AFG2A: variants seen among roughly 807,000 people sequenced by gnomAD.
AFG2A encodes the protein AAA ATPase AFG2A.
the AFG2A span, among the ~76,000 whole-genome samples, chr4:123,308,155 A>G: frequency 6.6e-6 from 1 of 152,246 alleles, no homozygotes; most frequent in Non-Finnish European, 1.5e-5. Flanking sequence ...TCTCTCAAAA[A>G]TAACAAAAGC....
At chr4:123,062,520 A>G in the AFG2A span, among the ~76,000 whole-genome samples, 1 of 152,006 alleles carries the variant, frequency 6.6e-6, no homozygotes, top group African/African-American at 2.4e-5. Context: ...TTACTTAATC[A>G]TACCTATCAA....
At chr4:122,998,056 G>C in the AFG2A span, among the ~76,000 whole-genome samples, 13 of 152,062 alleles carry the variant, frequency 8.5e-5, no homozygotes, top group Non-Finnish European at 1.6e-4. Context: ...TCCTTTATCA[G>C]ATATGTTATT....
chr4:122,934,429 G>A, the AFG2A span: 2 of 1,614,176 alleles, frequency 1.2e-6, no homozygotes, highest in Non-Finnish European at 1.7e-6. Flanking sequence ...AGATGGCAGT[G>A]GACTTATGCT....
At chr4:123,162,763 C>T in the AFG2A span, among the ~76,000 whole-genome samples, 85,314 of 151,938 alleles carry the variant, frequency 0.56, 26,900 homozygotes, top group Non-Finnish European at 0.7. Flanking sequence ...CAGGCATACC[C>T]AAATTTGAAA....
chr4:123,093,390 CG>C, the AFG2A span, among the ~76,000 whole-genome samples: 2 of 152,178 alleles, frequency 1.3e-5, no homozygotes, highest in Non-Finnish European at 2.9e-5. Flanking sequence ...GCCATGGAAA[CG>C]GGTGGTAACT....
the AFG2A span, among the ~76,000 whole-genome samples, chr4:122,985,973 C>A: frequency 6.6e-6 from 1 of 151,666 alleles, no homozygotes; most frequent in South Asian, 2.1e-4. Flanking sequence ...TAGACTGTAT[C>A]ATTATTGTCA....
chr4:123,071,055 T>C, the AFG2A span, among the ~76,000 whole-genome samples: 110 of 152,380 alleles, frequency 7.2e-4, no homozygotes, highest in Non-Finnish European at 1.4e-3. Context: ...ACTGACATAT[T>C]AATTTTCCTT....
chr4:122,973,199 G>A, the AFG2A span, among the ~76,000 whole-genome samples: 8,186 of 152,074 alleles, frequency 0.054, 524 homozygotes, highest in African/African-American at 0.16. Context: ...GTAGATATAG[G>A]TGCACTGTTA....
chr4:123,173,340 G>GTTT, the AFG2A span, among the ~76,000 whole-genome samples: 205 of 70,300 alleles, frequency 2.9e-3, 11 homozygotes, highest in African/African-American at 0.011. Flanking sequence ...AAGTCCAATG[G>GTTT]TTTTTTTTTT....
At chr4:123,077,922 A>C in the AFG2A span, among the ~76,000 whole-genome samples, 1 of 152,238 alleles carries the variant, frequency 6.6e-6, no homozygotes, top group Admixed American at 6.5e-5. Flanking sequence ...CTTGCTCATA[A>C]GACTGAAGAA....
At chr4:123,171,550 C>T in the AFG2A span, among the ~76,000 whole-genome samples, 3 of 152,012 alleles carry the variant, frequency 2.0e-5, no homozygotes, top group South Asian at 6.2e-4. Flanking sequence ...AAATGAAATT[C>T]TAGACTATAG....
At chr4:123,117,810 G>A in the AFG2A span, among the ~76,000 whole-genome samples, 19 of 151,650 alleles carry the variant, frequency 1.3e-4, no homozygotes, top group Non-Finnish European at 1.2e-4. Flanking sequence ...GGAGACAGAT[G>A]AGATCTGTAT....
At chr4:123,237,740 T>G in the AFG2A span, among the ~76,000 whole-genome samples, 2 of 149,722 alleles carry the variant, frequency 1.3e-5, no homozygotes, top group South Asian at 4.2e-4. Flanking sequence ...AGCTCTGGTC[T>G]GCAGCTCCCA....
chr4:122,957,333 A>C, the AFG2A span, among the ~76,000 whole-genome samples: 5 of 152,198 alleles, frequency 3.3e-5, no homozygotes, highest in Admixed American at 6.5e-5. Context: ...AGTGCACTGC[A>C]TTTTCTCATT....
At chr4:123,036,581 TGA>T in the AFG2A span, among the ~76,000 whole-genome samples, 1 of 152,070 alleles carries the variant, frequency 6.6e-6, no homozygotes, top group Non-Finnish European at 1.5e-5. Context: ...CAAAGGAGAC[TGA>T]GAGTGACAAA....
the AFG2A span, among the ~76,000 whole-genome samples, chr4:123,077,009 T>C: frequency 6.7e-6 from 1 of 150,188 alleles, no homozygotes; most frequent in East Asian, 2.0e-4. Flanking sequence ...GTGTGGTGTG[T>C]GCATGTGTGT....
chr4:123,187,215 G>T, the AFG2A span, among the ~76,000 whole-genome samples: 1 of 152,128 alleles, frequency 6.6e-6, no homozygotes, highest in African/African-American at 2.4e-5. Context: ...TTTATGGTGT[G>T]CATTTGTGTT....
the AFG2A span, among the ~76,000 whole-genome samples, chr4:122,944,617 A>T: frequency 6.6e-6 from 1 of 152,152 alleles, no homozygotes; most frequent in Admixed American, 6.5e-5. Flanking sequence ...TGATCGTCTG[A>T]AGCCTTCCTC....
At chr4:123,120,896 A>G in the AFG2A span, among the ~76,000 whole-genome samples, 6 of 152,186 alleles carry the variant, frequency 3.9e-5, no homozygotes, top group African/African-American at 9.7e-5. Context: ...GCTTATAAAA[A>G]AAAATTAACT....
Sources: gnomAD v4.1 joint callset for allele counts (sites outside exome capture counted in the v4.1 genomes callset) on GRCh38, gnomAD v4.1.1 for gene constraint, MANE v1.5 for transcripts, NCBI Gene and HGNC (gene_info 2026-07-23, HGNC 2026-07-21) for gene names.